CHN1: variants seen among roughly 807,000 people sequenced by gnomAD.
The protein encoded by CHN1 is chimerin 1, also known as N-chimaerin.
Under a neutral mutation model 59.5 loss-of-function variants are expected in CHN1, and 37 were observed. The ratio of observed to expected loss-of-function variants is 0.62; its 90% CI spans 0.48 to 0.82. The LOEUF (loss-of-function observed/expected upper bound fraction) is 0.82. Among genes scored for constraint, CHN1 ranks in the 40% least tolerant of loss-of-function variants. The pLI is 0.00. For synonymous variants in CHN1, 206 were observed against 200.4 expected, an observed-to-expected ratio of 1.03 and a Z score of -0.24; for missense variants, 469 against 571.0, an observed-to-expected ratio of 0.82 and a Z score of 1.82.
At chr2:174,837,358 A>T (rs1226118832) in intron 7 of CHN1, 1 of 152,230 alleles carries the variant, frequency 6.6e-6, no homozygotes, top group Non-Finnish European at 1.5e-5. Flanking sequence ...AACAGAGAAT[A>T]TGATATTTTA....
chr2:174,939,373 C>T (rs1689591303), intron 3 of CHN1, among the ~76,000 whole-genome samples: 1 of 152,142 alleles, frequency 6.6e-6, no homozygotes, highest in Admixed American at 6.6e-5. Flanking sequence ...ATCATACTGG[C>T]CTTCAGAGTT....
At chr2:174,930,268 A>C (rs944485118) in intron 3 of CHN1, among the ~76,000 whole-genome samples, 11 of 152,228 alleles carry the variant, frequency 7.2e-5, no homozygotes, top group Non-Finnish European at 1.5e-4. Context: ...CAAAAAAGCA[A>C]AGTGCATGAC....
At position 175,004,919 on chromosome 2, in the gene CHN1, G is replaced by C. The variant is rs1192252138; in HGVS notation, c.-7C>G. 6.5e-7 allele frequency: 1 copy of C among 1,535,898 alleles called. No homozygotes were observed. Among genetic ancestry groups the C allele is most frequent in the Admixed American group, 2.0e-5 (1 of 50,882 alleles). On this transcript the variant is annotated 5_prime_UTR_variant, in exon 1 of 13. Coordinates refer to ENST00000409900, the MANE Select transcript of CHN1 (RefSeq NM_001822.7). The stretch of plus-strand genomic sequence containing the variant: ...CAAACAGGGTCAGGGCCATTGTAAA[G>C]GCGCTCGCCGCCGCCCGCGAGTCCA...
chr2:174,813,603 C>T (rs547752922), intron 8 of CHN1, among the ~76,000 whole-genome samples: 3 of 152,138 alleles, frequency 2.0e-5, no homozygotes, highest in Non-Finnish European at 4.4e-5. Flanking sequence ...GAGAGGAATA[C>T]AAATATTTTG....
chr2:174,817,111 T>C (rs917064405), intron 8 of CHN1, among the ~76,000 whole-genome samples: 2 of 152,214 alleles, frequency 1.3e-5, no homozygotes, highest in African/African-American at 4.8e-5. Flanking sequence ...TACCATACAC[T>C]ACATCATGTA....
intron 5 of CHN1, among the ~76,000 whole-genome samples, chr2:174,883,771 T>C (rs1426095481): frequency 6.6e-6 from 1 of 151,764 alleles, no homozygotes; most frequent in Non-Finnish European, 1.5e-5. Flanking sequence ...GAATAGAATT[T>C]AACCAAAAAA....
At chr2:174,946,820 T>G (rs1166903137) in intron 2 of CHN1, among the ~76,000 whole-genome samples, 6 of 151,106 alleles carry the variant, frequency 4.0e-5, no homozygotes, top group Non-Finnish European at 8.8e-5. Context: ...TCCCAGCACT[T>G]TGGGAGGCCA....
Position 174,915,304 on chromosome 2 carries a change from C to T in CHN1, c.147-133G>A, listed in dbSNP as rs1688814706. On this transcript the variant is annotated intron_variant, in intron 4 of 12. Coordinates refer to ENST00000409900, the MANE Select transcript of CHN1 (RefSeq NM_001822.7). The stretch of plus-strand genomic sequence containing the variant: ...GTACTGCCACATAATGGAAGGGAAG[C>T]ACTTGGGTTTAACTATGCTTGTGTT... 14 of 716,714 alleles carry T rather than the reference C, an allele frequency of 2.0e-5. 1 individual carries two copies. The South Asian group carries it at 2.5e-4, about 13-fold the overall frequency. The allele number at this position is 716,714 out of a possible 1,614,324, so 44.4% of individuals were successfully genotyped here. A position where few individuals can be genotyped will look rare whatever the true frequency, so the allele number is the denominator to read the frequency against.
At chr2:174,947,689 G>C (rs1481075295) in intron 2 of CHN1, among the ~76,000 whole-genome samples, 1 of 151,878 alleles carries the variant, frequency 6.6e-6, no homozygotes, top group Non-Finnish European at 1.5e-5. Flanking sequence ...TCACCATCTT[G>C]CCCAGGCTGG....
chr2:174,875,974 G>C (rs1401297793), intron 6 of CHN1: 2 of 260,176 alleles, frequency 7.7e-6, no homozygotes, highest in Non-Finnish European at 1.2e-5. Context: ...TCTTAATTAT[G>C]TACTGCCGCA....
chr2:174,996,111 G>A (rs1289431805), intron 1 of CHN1, among the ~76,000 whole-genome samples: 1 of 152,204 alleles, frequency 6.6e-6, no homozygotes, highest in Non-Finnish European at 1.5e-5. Flanking sequence ...TGTATCCGCT[G>A]AGGATAAGGG....
intron 11 of CHN1, among the ~76,000 whole-genome samples, chr2:174,806,614 C>T (rs1684892869): frequency 6.6e-6 from 1 of 152,112 alleles, no homozygotes; most frequent in African/African-American, 2.4e-5. Flanking sequence ...TGTGTGAATG[C>T]CATTGCCGCC....
intron 3 of CHN1, among the ~76,000 whole-genome samples, chr2:174,941,024 T>G (rs1689644234): frequency 1.3e-5 from 2 of 152,198 alleles, no homozygotes; most frequent in South Asian, 4.1e-4. Flanking sequence ...AAAGTGAGTT[T>G]TTTTTAATTT....
chr2:174,916,880 TTATC>T (rs1390961298), intron 4 of CHN1, among the ~76,000 whole-genome samples: 3 of 152,338 alleles, frequency 2.0e-5, no homozygotes, highest in African/African-American at 4.8e-5. Context: ...TAAAATATAG[TTATC>T]TATCTGTTTA....
chr2:174,931,255 G>T (rs1689339087), intron 3 of CHN1, among the ~76,000 whole-genome samples: 1 of 152,170 alleles, frequency 6.6e-6, no homozygotes, highest in South Asian at 2.1e-4. Context: ...CATATTATAA[G>T]TGTTAAATAA....
intron 6 of CHN1, among the ~76,000 whole-genome samples, chr2:174,866,204 G>A (rs546573476): frequency 6.6e-6 from 1 of 152,232 alleles, no homozygotes; most frequent in South Asian, 2.1e-4. Flanking sequence ...AGCAGAAAAA[G>A]AACCAGATAC....
chr2:174,927,675 G>C (rs1375438325), intron 3 of CHN1, among the ~76,000 whole-genome samples: 1 of 152,070 alleles, frequency 6.6e-6, no homozygotes, highest in Non-Finnish European at 1.5e-5. Context: ...AATTCTGCAG[G>C]TAATGCCACT....
intron 1 of CHN1, among the ~76,000 whole-genome samples, chr2:174,986,267 A>G (rs749561671): frequency 2.6e-5 from 4 of 152,206 alleles, no homozygotes; most frequent in African/African-American, 4.8e-5. Context: ...TAGCGAACAC[A>G]GCTATAGAAT....
intron 7 of CHN1, among the ~76,000 whole-genome samples, chr2:174,826,923 T>C (rs1479467925): frequency 2.0e-5 from 3 of 152,192 alleles, no homozygotes; most frequent in Non-Finnish European, 4.4e-5. Context: ...CCTGAGCCAT[T>C]TGAGGCTGGG....
Sources: gnomAD v4.1 joint callset for allele counts (sites outside exome capture counted in the v4.1 genomes callset) on GRCh38, gnomAD v4.1.1 for gene constraint, MANE v1.5 for transcripts, NCBI Gene and HGNC (gene_info 2026-07-23, HGNC 2026-07-21) for gene names.